KPNA1: variants seen among roughly 807,000 people sequenced by gnomAD.
KPNA1 encodes importin subunit alpha-5.
Under a neutral mutation model 70.5 loss-of-function variants are expected in KPNA1, and 10 were observed. The ratio of observed to expected loss-of-function variants is 0.14; its 90% CI spans 0.09 to 0.24. The LOEUF is 0.24. Among genes scored for constraint, KPNA1 ranks in the 10% least tolerant of loss-of-function variants. KPNA1 has a pLI of 1.00. For missense variants in KPNA1, 397 were observed against 637.9 expected (o/e 0.62, Z 4.07); for synonymous variants, 192 against 221.9 (o/e 0.87, Z 1.20).
chr3:122,501,799 C>T (rs1466119169), intron 1 of KPNA1, among the ~76,000 whole-genome samples: 5 of 152,128 alleles, frequency 3.3e-5, no homozygotes, highest in Non-Finnish European at 7.3e-5. Context: ...GTTCTGTCCT[C>T]TACTGAAAGT....
chr3:122,514,302 G>A (rs578249544), intron 1 of KPNA1, among the ~76,000 whole-genome samples: 26 of 152,044 alleles, frequency 1.7e-4, no homozygotes, highest in Admixed American at 4.6e-4. Flanking sequence ...TTTTGCCAGG[G>A]TTAGAATTTT....
At chr3:122,470,675 T>C (rs1044737338) in intron 2 of KPNA1, among the ~76,000 whole-genome samples, 2 of 152,014 alleles carry the variant, frequency 1.3e-5, no homozygotes, top group African/African-American at 4.8e-5. Flanking sequence ...TAAAGCAGAT[T>C]TGAGGTAGTT....
At chr3:122,454,059 A>C in intron 5 of KPNA1, 58 bp from the exon 6 acceptor site, 1 of 1,228,662 alleles carries the variant, frequency 8.1e-7, no homozygotes, top group Non-Finnish European at 1.1e-6. Flanking sequence ...TTGTTTACTT[A>C]TAACAGTAAC....
intron 6 of KPNA1, 94 bp downstream of exon 6, chr3:122,453,776 C>A: frequency 8.2e-7 from 1 of 1,213,414 alleles, no homozygotes; most frequent in South Asian, 1.6e-5. Flanking sequence ...GTGATCCACC[C>A]ACCTTGGCCT....
chr3:122,476,597 T>C (rs1204182875), intron 2 of KPNA1, among the ~76,000 whole-genome samples: 2 of 151,678 alleles, frequency 1.3e-5, no homozygotes, highest in Middle Eastern at 3.2e-3. Context: ...GATTTTAAAA[T>C]AGGGAAAGAA....
intron 5 of KPNA1, among the ~76,000 whole-genome samples, chr3:122,456,489 T>C (rs2107740729): frequency 6.6e-6 from 1 of 152,306 alleles, no homozygotes; most frequent in Middle Eastern, 3.4e-3. Context: ...ACAGAGTTAT[T>C]GGTGAGAAAA....
intron 7 of KPNA1, 34 bp from the exon 8 acceptor site, chr3:122,451,667 AACAG>A (rs1225515494): frequency 1.5e-6 from 2 of 1,342,380 alleles, no homozygotes; most frequent in South Asian, 2.4e-5. Flanking sequence ...TAAACTATGT[AACAG>A]ACAGTGATTA....
At chr3:122,431,164 CTTTT>C (rs1319586413) in intron 12 of KPNA1, among the ~76,000 whole-genome samples, 1 of 152,088 alleles carries the variant, frequency 6.6e-6, no homozygotes, top group Non-Finnish European at 1.5e-5. Context: ...CTAAAACATT[CTTTT>C]TTATCTTTTG....
chr3:122,474,616 G>A (rs529840911), intron 2 of KPNA1, among the ~76,000 whole-genome samples: 29 of 152,098 alleles, frequency 1.9e-4, no homozygotes, highest in South Asian at 1.9e-3. Context: ...GGAGTTCAAC[G>A]AAACACTAAC....
rs1422407107 is a variant in KPNA1 at position 122,422,646 on chromosome 3, TC to T, written c.*4338del. ...CAAGACACAGAATTTGCAGGGCTCT[TC>T]CCCGCCCTTGGACAGCCATCTAAGT... On this transcript the variant is annotated 3_prime_UTR_variant, in exon 14 of 14. Coordinates refer to ENST00000344337, the MANE Select transcript of KPNA1 (RefSeq NM_002264.4). 2 of 152,206 alleles carry T rather than the reference TC, an allele frequency of 1.3e-5. No individual in the cohort carries two copies. Among genetic ancestry groups the T allele is most frequent in the African/African-American group, 4.8e-5 (2 of 41,454 alleles). 9.4% of individuals were successfully genotyped at this position (152,206 alleles called of 1,614,324 possible).
At chr3:122,469,471 C>T (rs941869050) in intron 2 of KPNA1, among the ~76,000 whole-genome samples, 4 of 152,218 alleles carry the variant, frequency 2.6e-5, no homozygotes, top group African/African-American at 7.2e-5. Flanking sequence ...CACACTTACA[C>T]GCAGACATAT....
chr3:122,513,273 T>C (rs2076976016), intron 1 of KPNA1, among the ~76,000 whole-genome samples: 1 of 152,234 alleles, frequency 6.6e-6, no homozygotes, highest in African/African-American at 2.4e-5. Context: ...TTTTAATATA[T>C]GTAAAGCATT....
At chr3:122,468,032 C>A (rs141954726) in intron 2 of KPNA1, among the ~76,000 whole-genome samples, 2 of 152,326 alleles carry the variant, frequency 1.3e-5, no homozygotes, top group Non-Finnish European at 2.9e-5. Flanking sequence ...TCCTGGGCAG[C>A]ACATTTATTC....
intron 2 of KPNA1, among the ~76,000 whole-genome samples, chr3:122,489,057 C>T (rs7638128): frequency 0.4 from 52,031 of 130,620 alleles, 10,235 homozygotes; most frequent in East Asian, 0.56. Context: ...TTTTTGCGTG[C>T]GTGTGTGTGT....
intron 2 of KPNA1, among the ~76,000 whole-genome samples, chr3:122,491,702 G>A (rs2076699789): frequency 6.6e-6 from 1 of 152,096 alleles, no homozygotes; most frequent in African/African-American, 2.4e-5. Context: ...TCTTTAAAAT[G>A]ACATTAAATG....
intron 6 of KPNA1, 88 bp downstream of exon 6, chr3:122,453,782 G>A: frequency 7.8e-7 from 1 of 1,282,310 alleles, no homozygotes; most frequent in Non-Finnish European, 1.1e-6. Context: ...CACCCACCTT[G>A]GCCTCCCAAA....
chr3:122,443,881 AC>A (rs1304097123), intron 9 of KPNA1, among the ~76,000 whole-genome samples: 1 of 152,188 alleles, frequency 6.6e-6, no homozygotes, highest in Non-Finnish European at 1.5e-5. Flanking sequence ...CCCACTGTAC[AC>A]CCATTGTCAC....
intron 10 of KPNA1, among the ~76,000 whole-genome samples, chr3:122,440,681 A>G (rs1000862223): frequency 6.6e-6 from 1 of 152,210 alleles, no homozygotes; most frequent in Non-Finnish European, 1.5e-5. Context: ...ATAGTCAAAC[A>G]TATATTCTTT....
chr3:122,427,575 G>A lies in KPNA1; in HGVS notation c.1392C>T (p.Gly464=). The change falls in exon 13 of 14, where the codon GGC becomes GGT. Residue 464 remains glycine (G), a synonymous_variant. Transcript: ENST00000344337. The stretch of plus-strand genomic sequence containing the variant: ...CAATCAAAGCACAGTAAGGGTTAAT[G>A]CCAGTGCCATTCCTTTTGGCTTCCT... ...GEQEAKRNGT[G]INPYCALIEE... 1 of 1,613,974 alleles carries A rather than the reference G, an allele frequency of 6.2e-7. No individual in the cohort carries two copies. Among genetic ancestry groups the A allele is most frequent in the Non-Finnish European group, 8.5e-7 (1 of 1,179,976 alleles).
Sources: allele counts gnomAD v4.1 joint callset (sites outside exome capture counted in the v4.1 genomes callset), GRCh38; gene constraint gnomAD v4.1.1; transcripts MANE v1.5; gene names NCBI Gene and HGNC (gene_info 2026-07-23, HGNC 2026-07-21).